Variants in ASIC2 observed in about 807,000 individuals in gnomAD.
ASIC2 encodes the protein acid sensing ion channel subunit 2, also known as acid-sensing ion channel 2.
ASIC2 carries 25 observed loss-of-function variants against 57.3 expected under a neutral mutation model. That is an observed-to-expected ratio of 0.44 (90% CI 0.32 to 0.61). ASIC2 has a LOEUF of 0.61. Ranked by LOEUF, ASIC2 falls within the 20% of genes least tolerant of loss-of-function variation. The pLI is 0.06. For synonymous variants in ASIC2, 319 were observed against 307.5 expected (o/e 1.04, Z -0.39); for missense variants, 641 against 738.1 (o/e 0.87, Z 1.52).
At chr17:34,023,774 C>T (rs1010397898) in intron 1 of ASIC2, among the ~76,000 whole-genome samples, 10 of 152,252 alleles carry the variant, frequency 6.6e-5, no homozygotes, top group Non-Finnish European at 1.0e-4. Flanking sequence ...AAATAAATTT[C>T]GGTTCTTTAT....
At chr17:34,099,682 A>AAAGAAAGAG (rs1910756391) in intron 1 of ASIC2, among the ~76,000 whole-genome samples, 1 of 149,588 alleles carries the variant, frequency 6.7e-6, no homozygotes, top group Non-Finnish European at 1.5e-5. Flanking sequence ...GAAAGAAAGA[A>AAAGAAAGAG]AAGAAAGAGA....
intron 1 of ASIC2, among the ~76,000 whole-genome samples, chr17:33,635,397 G>T (rs995062763): frequency 6.6e-6 from 1 of 152,122 alleles, no homozygotes; most frequent in Non-Finnish European, 1.5e-5. Flanking sequence ...ATTATCTCAC[G>T]GCTGTGAGGC....
chr17:33,292,313 C>T lies in ASIC2; in HGVS notation c.-198G>A. 2.0e-6 allele frequency: 2 copies of T among 986,644 alleles called. No individual in the cohort carries two copies. The highest frequency in any genetic ancestry group is 1.2e-6 in the Non-Finnish European group (1 of 831,618). The allele number at this position is 986,644 out of a possible 1,614,324, so 61.1% of individuals were successfully genotyped here. On this transcript the variant is annotated 5_prime_UTR_variant, in exon 1 of 10. Transcript: ENST00000225823. ...GCTGCCGCCTCCGCGGGCGCCCGCC[C>T]GGGGCTGAGCGCCGCCTCAGCCCGC...
At chr17:33,628,050 G>A in intron 1 of ASIC2, among the ~76,000 whole-genome samples, 1 of 151,994 alleles carries the variant, frequency 6.6e-6, no homozygotes, top group Non-Finnish European at 1.5e-5. Flanking sequence ...AAAAAGAAGA[G>A]GCCTCCTCCT....
chr17:34,038,501 A>T, intron 1 of ASIC2: 1 of 1,611,990 alleles, frequency 6.2e-7, no homozygotes, highest in Non-Finnish European at 8.5e-7. Context: ...TGTTAGATCA[A>T]ATGCCTTGTA....
At chr17:33,296,135 G>A (rs1905712656), upstream of ASIC2, among the ~76,000 whole-genome samples, 3 of 152,138 alleles carry the variant, frequency 2.0e-5, no homozygotes, top group South Asian at 6.2e-4. Flanking sequence ...GACTTCCTAA[G>A]TGCTAGGGCC....
At chr17:33,483,473 C>T (rs1443328261) in intron 1 of ASIC2, among the ~76,000 whole-genome samples, 2 of 152,226 alleles carry the variant, frequency 1.3e-5, no homozygotes, top group Non-Finnish European at 2.9e-5. Flanking sequence ...ACTGCCTTGC[C>T]TCACTCGGCG....
At chr17:33,075,176 T>C (rs2092084527) in intron 3 of ASIC2, among the ~76,000 whole-genome samples, 1 of 152,206 alleles carries the variant, frequency 6.6e-6, no homozygotes, top group Admixed American at 6.5e-5. Context: ...CTCATGGTAG[T>C]GAATAAGGCT....
At chr17:34,132,873 G>A (rs1375076795) in intron 1 of ASIC2, among the ~76,000 whole-genome samples, 2 of 152,194 alleles carry the variant, frequency 1.3e-5, no homozygotes, top group Non-Finnish European at 2.9e-5. Flanking sequence ...CTGGAAGCCT[G>A]TGCTCAGCTG....
chr17:33,188,701 T>C (rs1438796546), intron 1 of ASIC2, among the ~76,000 whole-genome samples: 1 of 152,094 alleles, frequency 6.6e-6, no homozygotes, highest in Admixed American at 6.5e-5. Flanking sequence ...AAATTATATA[T>C]CTGGTAAAAA....
At chr17:34,003,228 A>G (rs1215878068) in intron 1 of ASIC2, 1 of 152,216 alleles carries the variant, frequency 6.6e-6, no homozygotes, top group African/African-American at 2.4e-5. Flanking sequence ...TAACTTAATT[A>G]CTATGAGACT....
chr17:33,565,176 C>G (rs527356476), intron 1 of ASIC2, among the ~76,000 whole-genome samples: 14 of 152,140 alleles, frequency 9.2e-5, no homozygotes, highest in Non-Finnish European at 2.1e-4. Flanking sequence ...GCTTGCCCTT[C>G]CCTCCAACTC....
chr17:33,694,894 T>C (rs1021719601), intron 1 of ASIC2, among the ~76,000 whole-genome samples: 3 of 152,156 alleles, frequency 2.0e-5, no homozygotes. Flanking sequence ...TGTCCTCTTG[T>C]TCCCCGTCTC....
intron 1 of ASIC2, among the ~76,000 whole-genome samples, chr17:33,191,606 G>A (rs868528435): frequency 2.0e-5 from 3 of 151,638 alleles, no homozygotes; most frequent in African/African-American, 4.8e-5. Context: ...GAGAACAAGA[G>A]GGAGGAGAAT....
chr17:33,114,694 T>C (rs1269868660), intron 1 of ASIC2, among the ~76,000 whole-genome samples: 1 of 152,174 alleles, frequency 6.6e-6, no homozygotes. Context: ...CCTAAGCAAC[T>C]GAAGATGATG....
At chr17:33,532,412 T>C (rs1915080140) in intron 1 of ASIC2, among the ~76,000 whole-genome samples, 1 of 152,208 alleles carries the variant, frequency 6.6e-6, no homozygotes, top group Non-Finnish European at 1.5e-5. Flanking sequence ...ATGTGTCAGC[T>C]CCTGACCTTC....
chr17:33,928,560 G>T (rs1324308207), intron 1 of ASIC2, among the ~76,000 whole-genome samples: 1 of 152,186 alleles, frequency 6.6e-6, no homozygotes, highest in African/African-American at 2.4e-5. Context: ...AGGAAGCAAG[G>T]GCTCTGAGCT....
chr17:33,219,341 T>C (rs1341734549), intron 1 of ASIC2, among the ~76,000 whole-genome samples: 1 of 152,230 alleles, frequency 6.6e-6, no homozygotes, highest in African/African-American at 2.4e-5. Flanking sequence ...CTTACTTCAG[T>C]TAATCTTCAC....
chr17:33,408,973 G>A lies in ASIC2; in HGVS notation c.556-296906C>T, dbSNP rs149714708. On this transcript the variant is annotated intron_variant, in intron 1 of 9. Transcript: ENST00000359872. ...CCATGCCTGTAATCCCAGACCCTTG[G>A]GGGGCTGAGGTGGGTGGATCGTTTG... Among the ~76,000 whole-genome samples, 11 of 152,312 alleles carry A rather than the reference G, an allele frequency of 7.2e-5. No individual in the cohort carries two copies. In the East Asian group the frequency reaches 1.5e-3, roughly 21 times the overall value.
Sources: allele counts gnomAD v4.1 joint callset (sites outside exome capture counted in the v4.1 genomes callset), GRCh38; gene constraint gnomAD v4.1.1; transcripts MANE v1.5; gene names NCBI Gene and HGNC (gene_info 2026-07-23, HGNC 2026-07-21).